CFDP1: variants seen among roughly 807,000 people sequenced by gnomAD.
CFDP1 encodes chromatin remodeling protein CFDP1.
CFDP1 carries 31 observed loss-of-function variants against 40.1 expected under a neutral mutation model. The observed-to-expected ratio is 0.77, with a 90% confidence interval of 0.58 to 1.04. CFDP1 has a LOEUF of 1.04. Among genes scored for constraint, CFDP1 ranks in the 50% least tolerant of loss-of-function variants. The pLI is 0.00. For missense variants in CFDP1, 423 were observed against 343.4 expected, an observed-to-expected ratio of 1.23 and a Z score of -1.83; for synonymous variants, 167 against 120.0, an observed-to-expected ratio of 1.39 and a Z score of -2.56.
chr16:75,418,651 G>A (rs1010535626), intron 1 of CFDP1, among the ~76,000 whole-genome samples: 5 of 150,994 alleles, frequency 3.3e-5, no homozygotes, highest in South Asian at 4.2e-4. Flanking sequence ...CTACACAAAC[G>A]GCATATAAAC....
At chr16:75,371,760 G>A (rs1451449178) in intron 5 of CFDP1, among the ~76,000 whole-genome samples, 2 of 152,084 alleles carry the variant, frequency 1.3e-5, no homozygotes, top group Non-Finnish European at 2.9e-5. Flanking sequence ...CAACTCAAAG[G>A]TTTCATTTAG....
At chr16:75,327,933 T>G (rs1369882132) in intron 5 of CFDP1, among the ~76,000 whole-genome samples, 1 of 152,114 alleles carries the variant, frequency 6.6e-6, no homozygotes, top group African/African-American at 2.4e-5. Flanking sequence ...CGTCACCATG[T>G]TGGCCAGGCT....
chr16:75,319,809 C>A (rs145755182), intron 5 of CFDP1, among the ~76,000 whole-genome samples: 1 of 152,178 alleles, frequency 6.6e-6, no homozygotes, highest in Admixed American at 6.5e-5. Flanking sequence ...ATCATCTATA[C>A]AAGGGTGATC....
intron 1 of CFDP1, among the ~76,000 whole-genome samples, chr16:75,424,743 G>C (rs1486824503): frequency 7.6e-6 from 1 of 131,826 alleles, no homozygotes; most frequent in African/African-American, 2.9e-5. Flanking sequence ...GCAACAGAGG[G>C]AGACTCCGTC....
intron 5 of CFDP1, among the ~76,000 whole-genome samples, chr16:75,386,082 C>G (rs1375074047): frequency 1.3e-5 from 2 of 152,056 alleles, no homozygotes; most frequent in African/African-American, 4.8e-5. Context: ...CACATGGATT[C>G]CTATGTAACA....
intron 5 of CFDP1, among the ~76,000 whole-genome samples, chr16:75,361,391 T>A (rs968245791): frequency 6.6e-6 from 1 of 152,086 alleles, no homozygotes; most frequent in African/African-American, 2.4e-5. Flanking sequence ...CCGAGGCAGG[T>A]GGATCACTTG....
At chr16:75,368,462 T>G (rs915802096) in intron 5 of CFDP1, among the ~76,000 whole-genome samples, 5 of 152,156 alleles carry the variant, frequency 3.3e-5, no homozygotes, top group Non-Finnish European at 7.3e-5. Context: ...CATGGAGAGA[T>G]TCATTATGCT....
At chr16:75,417,669 T>A (rs954177114) in intron 1 of CFDP1, among the ~76,000 whole-genome samples, 1 of 152,252 alleles carries the variant, frequency 6.6e-6, no homozygotes, top group East Asian at 1.9e-4. Context: ...CTACAGAACT[T>A]TGAAAATCTC....
Position 75,343,905 on chromosome 16 carries a change from T to C in CFDP1, c.651-38723A>G, listed in dbSNP as rs141461465. Among the ~76,000 whole-genome samples, 984 of 152,332 alleles carry C rather than the reference T, an allele frequency of 6.5e-3. 7 individuals carry two copies. The highest frequency in any genetic ancestry group is 0.017 in the Middle Eastern group (5 of 294). On this transcript the variant is annotated intron_variant, in intron 5 of 6. Coordinates refer to ENST00000283882, the MANE Select transcript of CFDP1 (RefSeq NM_006324.3). The stretch of plus-strand genomic sequence containing the variant: ...TAAGCATGCGACATTTTATGCAGAA[T>C]TTTTAAAGGCATTTGCTTAATTGTG...
chr16:75,356,367 C>T (rs2078643924), intron 5 of CFDP1, among the ~76,000 whole-genome samples: 1 of 152,168 alleles, frequency 6.6e-6, no homozygotes, highest in Admixed American at 6.5e-5. Context: ...TCCATCAGAG[C>T]ATATGGATGA....
At chr16:75,414,522 T>C in intron 2 of CFDP1, 56 bp downstream of exon 2, 1 of 1,017,678 alleles carries the variant, frequency 9.8e-7, no homozygotes, top group South Asian at 1.3e-5. Flanking sequence ...ATCTTAGCAA[T>C]CAGGATGGTT....
At chr16:75,385,546 A>AT (rs36005753) in intron 5 of CFDP1, among the ~76,000 whole-genome samples, 77,452 of 151,760 alleles carry the variant, frequency 0.51, 21,053 homozygotes, top group Admixed American at 0.64. Context: ...GTTGAAAAAA[A>AT]AAATTCTAAT....
intron 5 of CFDP1, among the ~76,000 whole-genome samples, chr16:75,339,450 A>G (rs898585890): frequency 1.1e-4 from 17 of 151,940 alleles, no homozygotes; most frequent in African/African-American, 3.6e-4. Flanking sequence ...GGATCCTCCA[A>G]TGTGAGCTTT....
intron 5 of CFDP1, among the ~76,000 whole-genome samples, chr16:75,353,205 T>C (rs936385564): frequency 6.6e-6 from 1 of 152,200 alleles, no homozygotes; most frequent in Non-Finnish European, 1.5e-5. Flanking sequence ...AAACAAACTG[T>C]AAACAATTAA....
At chr16:75,416,802 G>A (rs535171187) in intron 1 of CFDP1, among the ~76,000 whole-genome samples, 1 of 152,112 alleles carries the variant, frequency 6.6e-6, no homozygotes, top group South Asian at 2.1e-4. Context: ...GAAGGAGCCA[G>A]CTGTGTGAAA....
chr16:75,336,499 C>T lies in CFDP1; in HGVS notation c.651-31317G>A, dbSNP rs149017178. Among the ~76,000 whole-genome samples, 222 of 152,306 alleles carry T rather than the reference C, an allele frequency of 1.5e-3. 2 individuals are homozygous for T. Among genetic ancestry groups the T allele is most frequent in the African/African-American group, 5.0e-3 (208 of 41,564 alleles). ...AGTTTGGCTTTAGCCGGGAGAAGACCCTCCACTTCTTCCTTTCCTGCACAT... is the reference window on the plus strand; with the variant it reads ...AGTTTGGCTTTAGCCGGGAGAAGACTCTCCACTTCTTCCTTTCCTGCACAT... On this transcript the variant is annotated intron_variant, in intron 5 of 6. Coordinates refer to ENST00000283882, the MANE Select transcript of CFDP1 (RefSeq NM_006324.3).
chr16:75,387,848 TTTC>T (rs1378411488), intron 5 of CFDP1, among the ~76,000 whole-genome samples: 1 of 151,562 alleles, frequency 6.6e-6, no homozygotes, highest in Non-Finnish European at 1.5e-5. Context: ...AGACCTTCAC[TTTC>T]TTGAGACAGG....
intron 1 of CFDP1, among the ~76,000 whole-genome samples, chr16:75,424,115 A>T (rs2079308503): frequency 6.6e-6 from 1 of 152,224 alleles, no homozygotes; most frequent in Non-Finnish European, 1.5e-5. Flanking sequence ...GCATTTGACA[A>T]AATTCACCTC....
intron 4 of CFDP1, among the ~76,000 whole-genome samples, chr16:75,410,761 T>G (rs1453172271): frequency 6.7e-6 from 1 of 150,244 alleles, no homozygotes; most frequent in Non-Finnish European, 1.5e-5. Context: ...ATTAAAAAAT[T>G]AGCCGGGCAT....
Sources: allele counts gnomAD v4.1 joint callset (sites outside exome capture counted in the v4.1 genomes callset), GRCh38; gene constraint gnomAD v4.1.1; transcripts MANE v1.5; gene names NCBI Gene and HGNC (gene_info 2026-07-23, HGNC 2026-07-21).